SETD2: variants seen among roughly 807,000 people sequenced by gnomAD.
SETD2 encodes histone-lysine N-methyltransferase SETD2.
A neutral mutation model predicts 242.1 loss-of-function variants in SETD2; 31 were observed. The ratio of observed to expected loss-of-function variants is 0.13; its 90% CI spans 0.10 to 0.17. The LOEUF (loss-of-function observed/expected upper bound fraction) is 0.17. SETD2 is among the 10% of genes least tolerant of loss of function. SETD2 has a pLI of 1.00. For synonymous variants in SETD2, 1,006 were observed against 1,066.5 expected, an observed-to-expected ratio of 0.94 and a Z score of 1.11; for missense variants, 2,481 against 3,046.3, an observed-to-expected ratio of 0.81 and a Z score of 4.37.
intron 1 of SETD2, among the ~76,000 whole-genome samples, chr3:47,156,678 G>A (rs924488122): frequency 6.6e-6 from 1 of 152,140 alleles, no homozygotes; most frequent in Non-Finnish European, 1.5e-5. Context: ...AACCTGGCCT[G>A]TAGCACCATA....
intron 1 of SETD2, among the ~76,000 whole-genome samples, chr3:47,133,143 A>T (rs1265859887): frequency 1.3e-5 from 2 of 152,206 alleles, no homozygotes; most frequent in Non-Finnish European, 2.9e-5. Flanking sequence ...ATGACAAAAC[A>T]AATGTGGTAA....
At chr3:47,116,926 C>T (rs1392435336) in intron 3 of SETD2, among the ~76,000 whole-genome samples, 172 bp from the exon 4 acceptor site, 1 of 152,074 alleles carries the variant, frequency 6.6e-6, no homozygotes, top group Non-Finnish European at 1.5e-5. Context: ...TCACTGCAGC[C>T]TCAACCTCCT....
intron 1 of SETD2, among the ~76,000 whole-genome samples, chr3:47,127,083 G>A (rs935877904): frequency 2.0e-5 from 3 of 152,200 alleles, no homozygotes; most frequent in Non-Finnish European, 4.4e-5. Flanking sequence ...CTGCCTAGGT[G>A]TGGTGGTTCA....
intron 2 of SETD2, among the ~76,000 whole-genome samples, chr3:47,125,263 G>C (rs1484995448): frequency 6.6e-6 from 1 of 151,910 alleles, no homozygotes; most frequent in Non-Finnish European, 1.5e-5. Context: ...AGGTTGCAGT[G>C]AGCCAAGATG....
rs2042935311 is a variant in SETD2 at position 47,118,161 on chromosome 3, G to A, written c.4455-1407C>T. Among the ~76,000 whole-genome samples the A allele has an allele frequency of 1.3e-5, 2 of 152,190 alleles. 1 individual carries two copies. The highest frequency in any genetic ancestry group is 1.3e-4 in the Admixed American group (2 of 15,276). ...TTGATTAAAGACACAATTCGTTAAT[G>A]AGTATATGAATATGCTTAGCCTGAA... On this transcript the variant is annotated intron_variant, in intron 3 of 20. Transcript: ENST00000409792.
chr3:47,056,973 T>C lies in SETD2; in HGVS notation c.6811A>G (p.Ser2271Gly). The C allele has an allele frequency of 6.2e-7, 1 of 1,614,262 alleles. No homozygotes were observed. The highest frequency in any genetic ancestry group is 1.1e-5 in the South Asian group (1 of 91,086). The change falls in exon 15 of 21, where the codon AGT (serine) becomes GGT (glycine). Residue 2271 changes from serine (S) to glycine (G), a missense_variant. By Grantham distance (56) the Ser-to-Gly change is moderately conservative (BLOSUM62 0). Coordinates refer to ENST00000409792, the MANE Select transcript of SETD2 (RefSeq NM_014159.7). ...GACTGTTGGTTTGAATCCCAAACACTATAATTCTGTCCCTGAACTGGGCCG... is the reference window on the plus strand; with the variant it reads ...GACTGTTGGTTTGAATCCCAAACACCATAATTCTGTCCCTGAACTGGGCCG... ...APGPVQGQNYSVWDSNQQSVS... is the reference protein window; with the variant it reads ...APGPVQGQNYGVWDSNQQSVS...
chr3:47,143,284 A>AC (rs1174662127), intron 1 of SETD2, among the ~76,000 whole-genome samples: 1 of 152,104 alleles, frequency 6.6e-6, no homozygotes, highest in Non-Finnish European at 1.5e-5. Context: ...ACAGAGCAAG[A>AC]CCCCGTCTCA....
rs1360002550 is a variant in SETD2 at position 47,099,482 on chromosome 3, T to C, written c.5016-1401A>G. ...ATAGACTGTTTCACGGGTAATGTTG[T>C]GTTCTTTCATTATGAGGCACACATT... On this transcript the variant is annotated intron_variant, in intron 8 of 20. Transcript: ENST00000409792. Among the ~76,000 whole-genome samples the C allele has an allele frequency of 3.9e-5, 6 of 152,354 alleles. 1 individual carries two copies. The South Asian group carries it at 6.2e-4, about 16-fold the overall frequency.
intron 3 of SETD2, among the ~76,000 whole-genome samples, chr3:47,119,250 A>C (rs2042978298): frequency 6.6e-6 from 1 of 152,214 alleles, no homozygotes; most frequent in Non-Finnish European, 1.5e-5. Flanking sequence ...AAACAGACTG[A>C]GAAGCCCTGC....
rs1429220590 is a variant in SETD2, at chr3:47,120,695, G to A, written c.3941C>T (p.Pro1314Leu). 6.2e-7 allele frequency: 1 copy of A among 1,614,140 alleles called. No individual in the cohort carries two copies. The highest frequency in any genetic ancestry group is 2.2e-5 in the East Asian group (1 of 44,878). The change falls in exon 3 of 21, where the codon CCT becomes CTT. Residue 1314 changes from proline to leucine, a missense_variant. Around this residue, in one of 17 missense-constraint regions of SETD2, gnomAD observed 1,300 missense variants for 1,259.2 expected, o/e 1.03. Coordinates refer to ENST00000409792, the MANE Select transcript of SETD2 (RefSeq NM_014159.7). ...GYWDPRSGRPPGTGVVYDRTQ... is the reference protein window; with the variant it reads ...GYWDPRSGRPLGTGVVYDRTQ... ...TCGATCATACACAACCCCAGTTCCAGGAGGTCTACCTGATCTTGGATCCCA... is the reference window on the plus strand; with the variant it reads ...TCGATCATACACAACCCCAGTTCCAAGAGGTCTACCTGATCTTGGATCCCA...
chr3:47,148,838 G>T lies in SETD2; in HGVS notation c.71+15016C>A, dbSNP rs551231591. Among the ~76,000 whole-genome samples the T allele has an allele frequency of 3.0e-4, 45 of 152,306 alleles. No individual in the cohort carries two copies. The East Asian group carries it at 4.1e-3, about 14-fold the overall frequency. On this transcript the variant is annotated intron_variant, in intron 1 of 20. Transcript: ENST00000409792. ...GCACTTTGGGAGGCTGAGGCGGGAG[G>T]ATCACTACATGGAATAATGGTGAAT...
chr3:47,067,406 C>CTTTTTTT (rs548953692), intron 12 of SETD2, among the ~76,000 whole-genome samples: 1 of 83,900 alleles, frequency 1.2e-5, no homozygotes, highest in African/African-American at 5.2e-5. Context: ...TCCTGAGCAT[C>CTTTTTTT]TTTTTTTTTT....
rs1019436227 is a variant in SETD2 at position 47,122,633 on chromosome 3, G to T, written c.2003C>A (p.Pro668His). 3.7e-6 allele frequency: 6 copies of T among 1,613,430 alleles called. No homozygotes were observed. The Admixed American group carries it at 5.0e-5, about 13-fold the overall frequency. Residue 668 changes from proline (P) to histidine (H), a missense_variant, in exon 3 of 21, where the codon CCC (proline) becomes CAC (histidine). Physicochemically the swap from Pro to His is moderately conservative, Grantham distance 77. This residue lies in a region of SETD2 where 1,300 missense variants were observed against 1,259.2 expected (regional missense o/e 1.03). Coordinates refer to ENST00000409792, the MANE Select transcript of SETD2 (RefSeq NM_014159.7). ...AGATCCATTTATATTTAATTCTATG[G>T]GACAAAAACTTCTTAATTGATCATT... Reference protein sequence around the residue: ...VKNDQLRSFCPIELNINGSPG... With the variant: ...VKNDQLRSFCHIELNINGSPG...
chr3:47,158,641 T>C (rs555182367), intron 1 of SETD2, among the ~76,000 whole-genome samples: 2 of 152,364 alleles, frequency 1.3e-5, no homozygotes, highest in East Asian at 1.9e-4. Context: ...ACAAAGTATG[T>C]GTTAGTAGAC....
At chr3:47,162,440 AC>A (rs1190521395) in intron 1 of SETD2, among the ~76,000 whole-genome samples, 1 of 152,186 alleles carries the variant, frequency 6.6e-6, no homozygotes, top group Non-Finnish European at 1.5e-5. Flanking sequence ...ATGGCCAAGA[AC>A]CCATGAAAGG....
At chr3:47,111,685 T>A (rs1336071194) in intron 5 of SETD2, among the ~76,000 whole-genome samples, 1 of 152,038 alleles carries the variant, frequency 6.6e-6, no homozygotes, top group Non-Finnish European at 1.5e-5. Context: ...TAACAAAACA[T>A]GTTGCTTTCT....
At chr3:47,144,039 T>C (rs1486645104) in intron 1 of SETD2, among the ~76,000 whole-genome samples, 2 of 152,032 alleles carry the variant, frequency 1.3e-5, no homozygotes, top group Non-Finnish European at 2.9e-5. Flanking sequence ...GAAAATGCAG[T>C]TGTCCCACAG....
chr3:47,157,494 T>C (rs1336024329), intron 1 of SETD2: 5 of 455,952 alleles, frequency 1.1e-5, no homozygotes, highest in Admixed American at 9.4e-5. Context: ...TAAACTTTCT[T>C]TTGACCAAAT....
At chr3:47,105,818 T>C (rs748709792) in intron 6 of SETD2, 179 bp downstream of exon 6, 3 of 578,358 alleles carry the variant, frequency 5.2e-6, no homozygotes, top group African/African-American at 3.9e-5. Context: ...CAGGAGAATC[T>C]CTTGAACCCA....
Sources: allele counts gnomAD v4.1 joint callset (sites outside exome capture counted in the v4.1 genomes callset), GRCh38; gene constraint gnomAD v4.1.1; regional missense constraint gnomAD v4.1.1; transcripts MANE v1.5; gene names NCBI Gene and HGNC (gene_info 2026-07-23, HGNC 2026-07-21).